The following PLCL2 variants were observed in gnomAD, a reference collection of about 807,000 sequenced individuals.
PLCL2 encodes the protein inactive phospholipase C-like protein 2.
In PLCL2, 4 loss-of-function variants were observed where a neutral mutation model predicts 79.6. That is an observed-to-expected ratio of 0.05 (90% CI 0.02 to 0.11). PLCL2 has a LOEUF of 0.11. PLCL2 is among the 10% of genes least tolerant of loss of function. The pLI is 1.00. For missense variants in PLCL2, 895 were observed against 1,291.0 expected (o/e 0.69, Z 4.70); for synonymous variants, 484 against 457.7 (o/e 1.06, Z -0.73).
chr3:17,004,557 A>G (rs768969305), intron 1 of PLCL2, among the ~76,000 whole-genome samples: 3 of 152,134 alleles, frequency 2.0e-5, no homozygotes, highest in African/African-American at 4.8e-5. Flanking sequence ...ATTTTATAAA[A>G]TGACCTTCAG....
intron 4 of PLCL2, among the ~76,000 whole-genome samples, chr3:17,054,941 T>TTCTTC (rs1461058769): frequency 6.6e-6 from 1 of 152,210 alleles, no homozygotes; most frequent in Non-Finnish European, 1.5e-5. Context: ...CTCATTTTCC[T>TTCTTC]TCTTCTAAGT....
At chr3:16,900,468 TCTC>T (rs1212010581) in intron 1 of PLCL2, among the ~76,000 whole-genome samples, 10 of 152,248 alleles carry the variant, frequency 6.6e-5, no homozygotes, top group Non-Finnish European at 1.5e-4. Flanking sequence ...CACCGTATTC[TCTC>T]TACAGTATAT....
chr3:17,033,101 A>T (rs577756724), intron 3 of PLCL2, among the ~76,000 whole-genome samples: 84 of 152,302 alleles, frequency 5.5e-4, no homozygotes, highest in African/African-American at 1.7e-3. Context: ...GGGTTTAGAT[A>T]AAAGTTATGT....
At chr3:17,068,678 A>G (rs933899300) in intron 5 of PLCL2, among the ~76,000 whole-genome samples, 5 of 152,198 alleles carry the variant, frequency 3.3e-5, no homozygotes, top group African/African-American at 9.6e-5. Flanking sequence ...AAAAATGTCA[A>G]AAGAGCAATA....
intron 1 of PLCL2, among the ~76,000 whole-genome samples, chr3:16,890,062 A>G (rs1696311683): frequency 1.3e-5 from 2 of 152,250 alleles, no homozygotes; most frequent in South Asian, 4.1e-4. Flanking sequence ...GTGCTAATAC[A>G]TTTTAGACCA....
intron 1 of PLCL2, among the ~76,000 whole-genome samples, chr3:16,954,839 C>CT (rs779855427): frequency 6.6e-6 from 1 of 152,290 alleles, no homozygotes; most frequent in East Asian, 1.9e-4. Flanking sequence ...TGAGAAGTGT[C>CT]TGTTCAAGTC....
At chr3:16,899,638 T>C (rs1372319621) in intron 1 of PLCL2, among the ~76,000 whole-genome samples, 3 of 152,142 alleles carry the variant, frequency 2.0e-5, no homozygotes, top group Non-Finnish European at 4.4e-5. Context: ...TGATTTCTTG[T>C]ATGTCTTTTC....
At chr3:16,952,734 AT>A (rs1258960763) in intron 1 of PLCL2, among the ~76,000 whole-genome samples, 1 of 151,990 alleles carries the variant, frequency 6.6e-6, no homozygotes, top group African/African-American at 2.4e-5. Flanking sequence ...ATATAATTTA[AT>A]TTTTTCTTTA....
chr3:17,026,906 GA>G (rs528990479), intron 3 of PLCL2, among the ~76,000 whole-genome samples: 106 of 149,330 alleles, frequency 7.1e-4, no homozygotes, highest in African/African-American at 2.4e-3. Flanking sequence ...TCTTGTATTA[GA>G]AAAAAAAACA....
At chr3:17,065,317 T>TA (rs2064998689) in intron 4 of PLCL2, among the ~76,000 whole-genome samples, 2 of 152,216 alleles carry the variant, frequency 1.3e-5, no homozygotes, top group Admixed American at 6.5e-5. Flanking sequence ...TATCATTTTT[T>TA]ATCCTTTCAA....
At chr3:16,985,788 G>T (rs1288028528) in intron 1 of PLCL2, among the ~76,000 whole-genome samples, 1 of 152,144 alleles carries the variant, frequency 6.6e-6, no homozygotes, top group South Asian at 2.1e-4. Context: ...AGAGCACATG[G>T]GAATTAAGCA....
At chr3:16,962,818 A>C (rs1356990658) in intron 1 of PLCL2, among the ~76,000 whole-genome samples, 1 of 152,188 alleles carries the variant, frequency 6.6e-6, no homozygotes, top group African/African-American at 2.4e-5. Context: ...TCCTAAAGAT[A>C]ATTGGAGCTA....
chr3:16,936,649 G>A (rs1211016486), intron 1 of PLCL2, among the ~76,000 whole-genome samples: 3 of 152,274 alleles, frequency 2.0e-5, no homozygotes, highest in African/African-American at 7.2e-5. Flanking sequence ...TTTCCCTGGG[G>A]AGATAATTTT....
intron 3 of PLCL2, among the ~76,000 whole-genome samples, chr3:17,015,534 AAGAG>A (rs1389904456): frequency 2.0e-5 from 3 of 152,152 alleles, no homozygotes; most frequent in African/African-American, 7.2e-5. Flanking sequence ...TCATAACTCT[AAGAG>A]AGAATTTATT....
chr3:17,076,848 A>G (rs2065113488), intron 5 of PLCL2, among the ~76,000 whole-genome samples: 1 of 152,112 alleles, frequency 6.6e-6, no homozygotes, highest in Admixed American at 6.6e-5. Context: ...TCCTTGAGCA[A>G]TATTGCTATA....
chr3:16,926,732 C>T (rs778191644), intron 1 of PLCL2, among the ~76,000 whole-genome samples: 8 of 151,806 alleles, frequency 5.3e-5, no homozygotes, highest in Non-Finnish European at 1.0e-4. Context: ...CCTGGATTCA[C>T]GCCATTCTCC....
chr3:17,018,077 G>A (rs2064406260), intron 3 of PLCL2, among the ~76,000 whole-genome samples: 1 of 152,152 alleles, frequency 6.6e-6, no homozygotes, highest in Admixed American at 6.5e-5. Context: ...CACCTCCTTA[G>A]ACTAGGCAGA....
chr3:17,059,181 CATCCTTAT>C (rs2124935563), intron 4 of PLCL2, among the ~76,000 whole-genome samples: 1 of 152,078 alleles, frequency 6.6e-6, no homozygotes, highest in East Asian at 1.9e-4. Context: ...CATTATGATA[CATCCTTAT>C]AATGGAACAT....
intron 1 of PLCL2, among the ~76,000 whole-genome samples, chr3:16,965,547 A>G (rs975160623): frequency 6.6e-6 from 1 of 151,756 alleles, no homozygotes; most frequent in African/African-American, 2.4e-5. Flanking sequence ...GTTTTTTCCA[A>G]TTCTGTGAAG....
Sources: gnomAD v4.1 joint callset for allele counts (sites outside exome capture counted in the v4.1 genomes callset) on GRCh38, gnomAD v4.1.1 for gene constraint, MANE v1.5 for transcripts, NCBI Gene and HGNC (gene_info 2026-07-23, HGNC 2026-07-21) for gene names.